MYLK2: variants seen among roughly 807,000 people sequenced by gnomAD.
The protein encoded by MYLK2 is myosin light chain kinase 2, skeletal/cardiac muscle.
In MYLK2, 27 loss-of-function variants were observed where a neutral mutation model predicts 58.2. The ratio of observed to expected loss-of-function variants is 0.46; its 90% CI spans 0.34 to 0.64. MYLK2 has a LOEUF of 0.64. MYLK2 is among the 30% of genes least tolerant of loss of function. The pLI, the probability that MYLK2 is intolerant of heterozygous loss-of-function variation, is 0.01. For missense variants in MYLK2, 676 were observed against 764.3 expected (o/e 0.88, Z 1.36); for synonymous variants, 310 against 296.7 (o/e 1.04, Z -0.46).
chr20:31,821,763 G>GGGGGGGGGGGGGT, intron 4 of MYLK2, 26 bp downstream of exon 4: 1 of 1,563,540 alleles, frequency 6.4e-7, no homozygotes, highest in Non-Finnish European at 8.7e-7. Flanking sequence ...GTGGGGGCTG[G>GGGGGGGGGGGGGT]GGCTGCCCTG....
intron 6 of MYLK2, among the ~76,000 whole-genome samples, chr20:31,824,722 C>G (rs2123132147): frequency 6.6e-6 from 1 of 152,274 alleles, no homozygotes; most frequent in East Asian, 1.9e-4. Flanking sequence ...GAGCTGAAGC[C>G]AAGGTAAACA....
At chr20:31,824,404 G>A in intron 6 of MYLK2, 52 bp downstream of exon 6, 1 of 1,574,886 alleles carries the variant, frequency 6.3e-7, no homozygotes, top group Non-Finnish European at 8.6e-7. Flanking sequence ...GGGATCCTTG[G>A]AGTGGGCACC....
At chr20:31,829,094 TTGG>T (rs2062293234) in intron 8 of MYLK2, among the ~76,000 whole-genome samples, 1 of 152,250 alleles carries the variant, frequency 6.6e-6, no homozygotes, top group African/African-American at 2.4e-5. Context: ...CTGGGGGCAG[TTGG>T]TGCCTGCATG....
At chr20:31,825,579 T>G (rs755887265) in intron 6 of MYLK2, among the ~76,000 whole-genome samples, 1 of 151,638 alleles carries the variant, frequency 6.6e-6, no homozygotes, top group Non-Finnish European at 1.5e-5. Context: ...TACTGAGAAG[T>G]GCTAGGAGGG....
rs371016439 is a variant in MYLK2 at position 31,832,115 on chromosome 20, C to T, written c.1689C>T (p.Tyr563=). 3.7e-6 allele frequency: 6 copies of T among 1,610,428 alleles called. No homozygotes were observed. The highest frequency in any genetic ancestry group is 4.5e-5 in the East Asian group (2 of 44,784). Residue 563 remains tyrosine, a synonymous_variant, in exon 12 of 13, where the codon TAC becomes TAT. Transcript: ENST00000375985. ...AGTCCCAGATCTTGCTTAAGAAATA[C>T]CTCATGAAGAGGCGCTGGAAGGTAC... The part of the protein sequence containing the change: ...RLKSQILLKK[Y]LMKRRWKKNF...
At chr20:31,827,084 T>C (rs2062284188) in intron 8 of MYLK2, 146 bp downstream of exon 8, 1 of 1,484,316 alleles carries the variant, frequency 6.7e-7, no homozygotes, top group African/African-American at 1.4e-5. Context: ...AAAGGGTTTA[T>C]GGAATACTTA....
chr20:31,831,886 G>A (rs2062308253), intron 11 of MYLK2, 31 bp downstream of exon 11: 18 of 1,614,042 alleles, frequency 1.1e-5, no homozygotes, highest in African/African-American at 1.3e-5. Context: ...TGAACTGTAT[G>A]TGTGCAAGCT....
chr20:31,819,523 GT>G lies in MYLK2; in HGVS notation c.-48-7del. The G allele has an allele frequency of 6.5e-7, 1 of 1,549,674 alleles. No individual in the cohort carries two copies. Among genetic ancestry groups the G allele is most frequent in the Non-Finnish European group, 8.7e-7 (1 of 1,145,576 alleles). ...GGACAGCCTGACACACTCCACTCTTGTTTCTGCAGCTAGAAAGACTTGAGTT... is the reference window on the plus strand; with the variant it reads ...GGACAGCCTGACACACTCCACTCTTGTTCTGCAGCTAGAAAGACTTGAGTT... On this transcript the variant is annotated splice_polypyrimidine_tract_variant and intron_variant, in intron 1 of 12. Transcript: ENST00000375985.
In MYLK2 at chr20:31,829,976, G is replaced by C. The variant is rs369627534; in HGVS notation, c.1225-843G>C. Among the ~76,000 whole-genome samples the C allele has an allele frequency of 7.9e-5, 12 of 152,294 alleles. No individual in the cohort carries two copies. In the South Asian group the frequency reaches 2.3e-3, roughly 29 times the overall value. ...AGGAGGCCAGGAGAAGACAATCCCT[G>C]GCCTGGAAGAGCCAACCCTGTAGTG... On this transcript the variant is annotated intron_variant, in intron 8 of 12. Transcript: ENST00000375985.
chr20:31,821,801 A>AC (rs2062253558), intron 4 of MYLK2, 64 bp downstream of exon 4: 1 of 1,494,246 alleles, frequency 6.7e-7, no homozygotes, highest in South Asian at 1.3e-5. Context: ...GGGGGCTGTC[A>AC]GTCCCAAGTC....
At chr20:31,824,984 T>C (rs2062271487) in intron 6 of MYLK2, among the ~76,000 whole-genome samples, 1 of 152,082 alleles carries the variant, frequency 6.6e-6, no homozygotes, top group Non-Finnish European at 1.5e-5. Flanking sequence ...CCAGCTGCCT[T>C]TTGAGCGAGG....
In MYLK2 at chr20:31,820,340, C is replaced by T. The variant is rs757350083; in HGVS notation, c.267C>T (p.Gly89=). 48 of 1,612,820 alleles carry T rather than the reference C, an allele frequency of 3.0e-5. No homozygotes were observed. Among genetic ancestry groups the T allele is most frequent in the Non-Finnish European group, 3.9e-5 (46 of 1,179,854 alleles). ...ACAGGGGCGGGGGGCCCGCGGAGGG[C>T]AGTGCTGGGCCCCCGGCAGCCCTGC... The part of the protein sequence containing the change: ...EGDRGGGPAE[G]SAGPPAALPQ... Residue 89 remains glycine, a synonymous_variant, in exon 3 of 13, where the codon GGC becomes GGT. Coordinates refer to ENST00000375985, the MANE Select transcript of MYLK2 (RefSeq NM_033118.4).
chr20:31,832,425 G>C (rs1373166665), intron 12 of MYLK2, among the ~76,000 whole-genome samples: 1 of 152,244 alleles, frequency 6.6e-6, no homozygotes, highest in Non-Finnish European at 1.5e-5. Flanking sequence ...TGGGATATAG[G>C]AGTGGACAAA....
chr20:31,821,623 A>G lies in MYLK2; in HGVS notation c.658A>G (p.Met220Val), dbSNP rs565588866. 3.1e-6 allele frequency: 5 copies of G among 1,614,066 alleles called. No homozygotes were observed. In the Admixed American group the frequency reaches 6.7e-5, roughly 22 times the overall value. ...KTPGQAGQAK[M>V]QGDTSRGIEF... is the part of the protein sequence containing the mutation. The stretch of plus-strand genomic sequence containing the variant: ...CCCAGGCCAGGCTGGCCAGGCTAAG[A>G]TGCAAGGGGACACCTCGAGGGGGAT... Residue 220 changes from methionine to valine, a missense_variant, in exon 4 of 13, where the codon ATG becomes GTG. Met to Val is a conservative substitution (Grantham distance 21, BLOSUM62 1). Around this residue, in one of 2 missense-constraint regions of MYLK2, gnomAD observed 306 missense variants for 296.5 expected, o/e 1.03. Transcript: ENST00000375985.
rs376297935 is a variant in MYLK2 at position 31,823,517 on chromosome 20, G to A, written c.813G>A (p.Met271Ile). The change falls in exon 5 of 13, where the codon ATG becomes ATA. Residue 271 changes from methionine (M) to isoleucine (I), a missense_variant. Physicochemically the swap from Met to Ile is conservative, Grantham distance 10. Transcript: ENST00000375985. The part of the protein sequence containing the change: ...PPPPAPFPHR[M>I]VELRTGNVSS... ...CTCCGGCCCCCTTCCCTCACCGCAT[G>A]GTGGAGCTGAGGACCGGGAATGTCA... The A allele has an allele frequency of 2.5e-6, 4 of 1,613,694 alleles. No individual in the cohort carries two copies. The highest frequency in any genetic ancestry group is 3.4e-6 in the Non-Finnish European group (4 of 1,180,032).
chr20:31,823,905 A>G (rs1344706256), intron 5 of MYLK2: 2 of 981,972 alleles, frequency 2.0e-6, no homozygotes, highest in Non-Finnish European at 2.4e-6. Context: ...GCCCTGACTC[A>G]GTCTTATACC....
intron 8 of MYLK2, among the ~76,000 whole-genome samples, chr20:31,829,613 G>A (rs1356789956): frequency 6.6e-6 from 1 of 152,214 alleles, no homozygotes. Context: ...GGATCAGGGG[G>A]TGGTGGCGAC....
chr20:31,821,772 T>TGG, intron 4 of MYLK2, 35 bp downstream of exon 4: 7 of 1,449,196 alleles, frequency 4.8e-6, no homozygotes, highest in Non-Finnish European at 6.6e-6. Context: ...GGGGCTGCCC[T>TGG]GGGGCCAGGG....
At chr20:31,824,375 G>A (rs771478225) in intron 6 of MYLK2, 23 bp downstream of exon 6, 1 of 1,597,658 alleles carries the variant, frequency 6.3e-7, no homozygotes, top group South Asian at 1.1e-5. Context: ...CGGGGGTGGT[G>A]GCTGCCCAGG....
Sources: allele counts gnomAD v4.1 joint callset (sites outside exome capture counted in the v4.1 genomes callset), GRCh38; gene constraint gnomAD v4.1.1; regional missense constraint gnomAD v4.1.1; transcripts MANE v1.5; gene names NCBI Gene and HGNC (gene_info 2026-07-23, HGNC 2026-07-21).